Variants in THSD7B observed in about 807,000 individuals in gnomAD.
THSD7B encodes the protein thrombospondin type-1 domain-containing protein 7B.
THSD7B carries 138 observed loss-of-function variants against 213.6 expected under a neutral mutation model. That is an observed-to-expected ratio of 0.65 (90% CI 0.56 to 0.74). THSD7B has a LOEUF of 0.74. Among genes scored for constraint, THSD7B ranks in the 30% least tolerant of loss-of-function variants. THSD7B has a pLI of 0.00. For missense variants in THSD7B, 1,931 were observed against 1,991.5 expected (o/e 0.97, Z 0.58); for synonymous variants, 742 against 687.0 (o/e 1.08, Z -1.25).
intron 16 of THSD7B, among the ~76,000 whole-genome samples, chr2:137,566,427 T>C (rs560257078): frequency 6.6e-6 from 1 of 152,290 alleles, no homozygotes; most frequent in Admixed American, 6.5e-5. Context: ...GGTTGGGTCA[T>C]GTTTTATAAG....
At chr2:137,466,281 TCA>T (rs1687988992) in intron 15 of THSD7B, among the ~76,000 whole-genome samples, 1 of 152,302 alleles carries the variant, frequency 6.6e-6, no homozygotes, top group African/African-American at 2.4e-5. Context: ...CATTTATTCA[TCA>T]CACACTTATT....
At chr2:137,004,153 CAAAAGA>C (rs1188245575) in intron 2 of THSD7B, among the ~76,000 whole-genome samples, 1 of 152,022 alleles carries the variant, frequency 6.6e-6, no homozygotes, top group African/African-American at 2.4e-5. Context: ...CTTCATCAGT[CAAAAGA>C]AAAAGTGGCA....
chr2:137,640,459 A>T (rs1682918936), intron 20 of THSD7B, among the ~76,000 whole-genome samples: 1 of 152,194 alleles, frequency 6.6e-6, no homozygotes, highest in African/African-American at 2.4e-5. Flanking sequence ...TATCTCCTAT[A>T]AAAGACTTAA....
chr2:137,545,206 C>A (rs1680685463), intron 15 of THSD7B, among the ~76,000 whole-genome samples: 1 of 151,776 alleles, frequency 6.6e-6, no homozygotes, highest in Non-Finnish European at 1.5e-5. Flanking sequence ...CCTAATCTTA[C>A]TAAAATAAAA....
At chr2:137,099,899 T>G (rs552377877) in intron 4 of THSD7B, among the ~76,000 whole-genome samples, 1 of 152,280 alleles carries the variant, frequency 6.6e-6, no homozygotes, top group African/African-American at 2.4e-5. Flanking sequence ...TCATCCTGCC[T>G]TGTTTCTGGT....
intron 5 of THSD7B, among the ~76,000 whole-genome samples, chr2:137,136,062 A>T (rs1016308448): frequency 2.0e-5 from 3 of 152,164 alleles, no homozygotes; most frequent in Non-Finnish European, 4.4e-5. Flanking sequence ...ACAGGAAATT[A>T]AACACCACAT....
rs180737641 is a variant in THSD7B, at chr2:137,532,855, G to A, written c.3139-30366G>A. On this transcript the variant is annotated intron_variant, in intron 15 of 27. Coordinates refer to ENST00000409968, the MANE Select transcript of THSD7B (RefSeq NM_001316349.2). Reference sequence around the variant, plus strand: ...GTAAAAGTCACAGTTATTAGGATAAGTATATATATTTTATATGAGCAAATA... The same window carrying A: ...GTAAAAGTCACAGTTATTAGGATAAATATATATATTTTATATGAGCAAATA... Among the ~76,000 whole-genome samples, 231 of 151,472 alleles carry A rather than the reference G, an allele frequency of 1.5e-3. 1 individual carries two copies. Among genetic ancestry groups the A allele is most frequent in the Non-Finnish European group, 2.0e-3 (134 of 67,720 alleles).
At chr2:137,159,093 A>T (rs550510427) in intron 5 of THSD7B, among the ~76,000 whole-genome samples, 7 of 152,110 alleles carry the variant, frequency 4.6e-5, no homozygotes, top group African/African-American at 1.4e-4. Context: ...AAGGATTGGG[A>T]TCTTATCTTC....
intron 4 of THSD7B, among the ~76,000 whole-genome samples, chr2:137,103,616 G>T (rs1007416755): frequency 6.6e-6 from 1 of 151,712 alleles, no homozygotes; most frequent in Non-Finnish European, 1.5e-5. Flanking sequence ...AATACCCATC[G>T]GTGTGTTGTA....
chr2:137,096,509 A>G (rs1864802), intron 4 of THSD7B, among the ~76,000 whole-genome samples: 7 of 151,960 alleles, frequency 4.6e-5, no homozygotes, highest in Admixed American at 2.0e-4. Context: ...TATTGTTAAT[A>G]TTTTGCTAAA....
intron 1 of THSD7B, among the ~76,000 whole-genome samples, chr2:136,873,930 C>A (rs2104984021): frequency 6.6e-6 from 1 of 152,216 alleles, no homozygotes; most frequent in Admixed American, 6.5e-5. Context: ...GTTTTGTGAC[C>A]CAGCTTGACA....
intron 15 of THSD7B, among the ~76,000 whole-genome samples, chr2:137,527,966 C>T (rs561650831): frequency 3.4e-4 from 51 of 152,030 alleles, no homozygotes; most frequent in South Asian, 1.5e-3. Flanking sequence ...TAGAGCCTAC[C>T]ATGAACTTTT....
At chr2:137,470,623 G>C (rs116526568) in intron 15 of THSD7B, among the ~76,000 whole-genome samples, 1 of 152,188 alleles carries the variant, frequency 6.6e-6, no homozygotes, top group Non-Finnish European at 1.5e-5. Context: ...AGCCCAAACC[G>C]TTGTAAGCTA....
intron 1 of THSD7B, among the ~76,000 whole-genome samples, chr2:136,806,642 T>G (rs557030157): frequency 3.9e-5 from 6 of 152,206 alleles, no homozygotes; most frequent in Admixed American, 1.3e-4. Flanking sequence ...TTTCCCCTGT[T>G]GTAACATCTT....
chr2:137,456,556 A>C (rs1209484188), intron 15 of THSD7B, among the ~76,000 whole-genome samples: 2 of 152,200 alleles, frequency 1.3e-5, no homozygotes, highest in African/African-American at 4.8e-5. Context: ...ACTGCTGCTC[A>C]CTTTGGACGT....
intron 2 of THSD7B, among the ~76,000 whole-genome samples, chr2:137,049,429 T>A (rs1411145549): frequency 6.6e-6 from 1 of 152,250 alleles, no homozygotes; most frequent in Non-Finnish European, 1.5e-5. Flanking sequence ...CTTGTGCAGG[T>A]TCTTTGATCT....
intron 2 of THSD7B, among the ~76,000 whole-genome samples, chr2:137,052,308 C>T (rs1031916559): frequency 1.3e-5 from 2 of 152,076 alleles, no homozygotes; most frequent in African/African-American, 4.8e-5. Flanking sequence ...ACTACTGTCC[C>T]CATTACATCA....
rs1253434272 is a variant in THSD7B at position 137,256,062 on chromosome 2, A to G, written c.2266+13490A>G. On this transcript the variant is annotated intron_variant, in intron 10 of 27. Transcript: ENST00000409968. Reference sequence around the variant, plus strand: ...TTTTTTTTCTTCTTCATTACTCTGTATTATTTTCTCACAGCAATTATCATT... The same window carrying G: ...TTTTTTTTCTTCTTCATTACTCTGTGTTATTTTCTCACAGCAATTATCATT... Among the ~76,000 whole-genome samples the G allele has an allele frequency of 2.0e-5, 3 of 151,814 alleles. No individual in the cohort carries two copies. In the East Asian group the frequency reaches 5.8e-4, roughly 29 times the overall value.
intron 5 of THSD7B, among the ~76,000 whole-genome samples, chr2:137,130,964 A>G (rs2104953372): frequency 6.6e-6 from 1 of 151,948 alleles, no homozygotes; most frequent in Non-Finnish European, 1.5e-5. Flanking sequence ...ACTGACTTCT[A>G]AAATGGTTGA....
Sources: allele counts gnomAD v4.1 joint callset (sites outside exome capture counted in the v4.1 genomes callset), GRCh38; gene constraint gnomAD v4.1.1; transcripts MANE v1.5; gene names NCBI Gene and HGNC (gene_info 2026-07-23, HGNC 2026-07-21).